NFIA: variants seen among roughly 807,000 people sequenced by gnomAD.
NFIA encodes the protein nuclear factor I A.
NFIA carries 8 observed loss-of-function variants against 62.8 expected under a neutral mutation model. The ratio of observed to expected loss-of-function variants is 0.13; its 90% CI spans 0.07 to 0.23. NFIA has a LOEUF of 0.23. NFIA is among the 10% of genes least tolerant of loss of function. NFIA has a pLI of 1.00. For synonymous variants in NFIA, 235 were observed against 238.1 expected (o/e 0.99, Z 0.12); for missense variants, 410 against 642.1 (o/e 0.64, Z 3.91).
At chr1:61,090,864 T>C (rs1646308252) in intron 2 of NFIA, among the ~76,000 whole-genome samples, 1 of 152,248 alleles carries the variant, frequency 6.6e-6, no homozygotes, top group Admixed American at 6.5e-5. Flanking sequence ...GTCTTTTGTC[T>C]GAAAATATTT....
At chr1:61,241,219 G>A (rs17377281) in intron 2 of NFIA, among the ~76,000 whole-genome samples, 6,867 of 152,098 alleles carry the variant, frequency 0.045, 225 homozygotes, top group Non-Finnish European at 0.064. Flanking sequence ...GATGTCAATC[G>A]TGGCTGTGTT....
chr1:61,354,516 A>G (rs866289815), intron 5 of NFIA, among the ~76,000 whole-genome samples: 1 of 152,188 alleles, frequency 6.6e-6, no homozygotes, highest in Non-Finnish European at 1.5e-5. Flanking sequence ...ATTTGACAAC[A>G]CACACAGTGT....
At chr1:61,158,555 C>A (rs934889979) in intron 2 of NFIA, among the ~76,000 whole-genome samples, 1 of 152,188 alleles carries the variant, frequency 6.6e-6, no homozygotes, top group African/African-American at 2.4e-5. Flanking sequence ...TTGAATTAAT[C>A]AGCTTTTCAT....
At chr1:61,278,095 A>G (rs1391214445) in intron 3 of NFIA, among the ~76,000 whole-genome samples, 2 of 152,142 alleles carry the variant, frequency 1.3e-5, no homozygotes, top group Non-Finnish European at 2.9e-5. Context: ...TCTACCTTAA[A>G]TTGTCTAAAA....
intron 2 of NFIA, among the ~76,000 whole-genome samples, chr1:61,214,098 TAC>T (rs1193229113): frequency 3.9e-5 from 6 of 152,224 alleles, no homozygotes; most frequent in African/African-American, 1.4e-4. Flanking sequence ...AATTTCTGCT[TAC>T]ACATGTGTGG....
intron 2 of NFIA, among the ~76,000 whole-genome samples, chr1:61,195,114 T>A (rs1651902796): frequency 6.6e-6 from 1 of 152,202 alleles, no homozygotes; most frequent in Admixed American, 6.5e-5. Context: ...TAACCAGGAA[T>A]CTATACTGAA....
At chr1:61,455,210 G>T (rs774194648) in intron 10 of NFIA, 93 bp from the exon 11 acceptor site, 3 of 1,348,510 alleles carry the variant, frequency 2.2e-6, no homozygotes, top group Admixed American at 1.8e-5. Flanking sequence ...CATCCCTAAC[G>T]TAGATCCTGA....
chr1:61,419,153 AGACT>A (rs1666488926), intron 9 of NFIA, among the ~76,000 whole-genome samples: 1 of 152,212 alleles, frequency 6.6e-6, no homozygotes, highest in African/African-American at 2.4e-5. Flanking sequence ...TCAGACAGAC[AGACT>A]GTGGGCCAGG....
intron 2 of NFIA, among the ~76,000 whole-genome samples, chr1:61,116,376 A>G (rs932423302): frequency 6.6e-6 from 1 of 152,220 alleles, no homozygotes; most frequent in Non-Finnish European, 1.5e-5. Flanking sequence ...ATGGGCATAG[A>G]AAGTTTAGAT....
chr1:61,299,234 G>A (rs941420301), intron 3 of NFIA, among the ~76,000 whole-genome samples: 1 of 152,130 alleles, frequency 6.6e-6, no homozygotes, highest in African/African-American at 2.4e-5. Context: ...GGCATTTAGT[G>A]CCATTCCAGC....
intron 10 of NFIA, chr1:61,439,526 A>G (rs564911433): frequency 6.6e-6 from 1 of 152,274 alleles, no homozygotes; most frequent in East Asian, 1.9e-4. Context: ...CAGGTTTGGT[A>G]TTCCTCTCCC....
intron 2 of NFIA, among the ~76,000 whole-genome samples, chr1:61,105,048 A>G (rs1376894942): frequency 6.6e-6 from 1 of 152,032 alleles, no homozygotes; most frequent in Non-Finnish European, 1.5e-5. Context: ...TATAAGGCAC[A>G]GGATTTTCCC....
chr1:61,438,998 GAC>G (rs3076170), intron 10 of NFIA, among the ~76,000 whole-genome samples: 38,472 of 141,640 alleles, frequency 0.27, 5,223 homozygotes, highest in South Asian at 0.33. Context: ...CATGCATGCA[GAC>G]ACACACACAC....
intron 6 of NFIA, among the ~76,000 whole-genome samples, chr1:61,361,513 G>A (rs1057083898): frequency 1.3e-5 from 2 of 149,714 alleles, no homozygotes; most frequent in Non-Finnish European, 3.0e-5. Flanking sequence ...TATTGAAGCT[G>A]CTTTATTAGG....
intron 2 of NFIA, among the ~76,000 whole-genome samples, chr1:61,264,673 A>G (rs1055262907): frequency 2.7e-5 from 4 of 148,688 alleles, no homozygotes; most frequent in African/African-American, 9.9e-5. Flanking sequence ...AAAAAAAAAA[A>G]AAAAAAAGGA....
upstream of NFIA, chr1:61,082,519 G>A: frequency 7.7e-7 from 1 of 1,303,538 alleles, no homozygotes; most frequent in Non-Finnish European, 9.8e-7. Flanking sequence ...TAACACCCGC[G>A]TACAGTAGGC....
At chr1:61,133,705 C>T (rs1220111921) in intron 2 of NFIA, among the ~76,000 whole-genome samples, 3 of 152,152 alleles carry the variant, frequency 2.0e-5, no homozygotes, top group Non-Finnish European at 4.4e-5. Flanking sequence ...TTATAAAAAA[C>T]TGGGACTAGC....
intron 3 of NFIA, among the ~76,000 whole-genome samples, chr1:61,313,891 C>T (rs955007223): frequency 6.6e-6 from 1 of 152,198 alleles, no homozygotes; most frequent in African/African-American, 2.4e-5. Flanking sequence ...AATCCCGACT[C>T]TACCAGTTAC....
At chr1:61,113,616 A>AG (rs35857948) in intron 2 of NFIA, among the ~76,000 whole-genome samples, 10 of 148,398 alleles carry the variant, frequency 6.7e-5, no homozygotes, top group Non-Finnish European at 1.3e-4. Flanking sequence ...AAAAAAAAAA[A>AG]GAGAATATGT....
Sources: allele counts gnomAD v4.1 joint callset (sites outside exome capture counted in the v4.1 genomes callset), GRCh38; gene constraint gnomAD v4.1.1; transcripts MANE v1.5; gene names NCBI Gene and HGNC (gene_info 2026-07-23, HGNC 2026-07-21).